Variants in HPS4 observed in about 807,000 individuals in gnomAD.
HPS4 encodes BLOC-3 complex member HPS4.
In HPS4, 44 loss-of-function variants were observed where a neutral mutation model predicts 70.3. The observed-to-expected ratio is 0.63, with a 90% CI of 0.49 to 0.80. HPS4 has a LOEUF of 0.80. Ranked by LOEUF, HPS4 falls within the 30% of genes least tolerant of loss-of-function variation. The pLI, the probability that HPS4 is intolerant of heterozygous loss-of-function variation, is 0.00. For missense variants in HPS4, 873 were observed against 884.4 expected (o/e 0.99, Z 0.16); for synonymous variants, 377 against 355.9 (o/e 1.06, Z -0.67).
intron 1 of HPS4, among the ~76,000 whole-genome samples, chr22:26,482,585 T>C (rs1042479658): frequency 1.1e-4 from 17 of 152,146 alleles, no homozygotes; most frequent in African/African-American, 3.9e-4. Context: ...ACATGCAGAA[T>C]TCCAGAGCAG....
In HPS4 at chr22:26,481,577, C is replaced by T; in HGVS notation, c.41+145G>A. 3.9e-6 allele frequency: 3 copies of T among 767,748 alleles called. No individual in the cohort carries two copies. The South Asian group carries it at 4.4e-5, about 11-fold the overall frequency. The allele number at this position is 767,748 out of a possible 1,614,324, so 47.6% of individuals were successfully genotyped here. Reference sequence around the variant, plus strand: ...GCTTTGGAGAGCGATGGCTCACGTGCTTGATTCAGCTGCTCTGAGGAAAAT... The same window carrying T: ...GCTTTGGAGAGCGATGGCTCACGTGTTTGATTCAGCTGCTCTGAGGAAAAT... On this transcript the variant is annotated intron_variant, in intron 2 of 13. Coordinates refer to ENST00000398145, the MANE Select transcript of HPS4 (RefSeq NM_022081.6).
At chr22:26,466,841 AAAACC>A (rs1569078682) in intron 8 of HPS4, 1 of 158,530 alleles carries the variant, frequency 6.3e-6, no homozygotes, top group Non-Finnish European at 1.4e-5. Flanking sequence ...CCACCAAAAC[AAAACC>A]AAACCAAACA....
In HPS4 at chr22:26,453,419, AAG is replaced by A. The variant is rs757158956; in HGVS notation, c.1956-17_1956-16del. 3.2e-5 allele frequency: 52 copies of A among 1,613,290 alleles called. No homozygotes were observed. The highest frequency in any genetic ancestry group is 4.4e-5 in the Non-Finnish European group (52 of 1,180,004). The stretch of plus-strand genomic sequence containing the variant: ...TGGAGGCATTTCTGTTGGAGGAAGA[AAG>A]AAGGCAACGGTCCAATGCTGCTGGT... On this transcript the variant is annotated splice_polypyrimidine_tract_variant and intron_variant, in intron 13 of 13. Coordinates refer to ENST00000398145, the MANE Select transcript of HPS4 (RefSeq NM_022081.6).
rs2089665259 is a variant in HPS4 at position 26,470,763 on chromosome 22, C to A, written c.552G>T (p.Gln184His). The change falls in exon 7 of 14, where the codon CAG (glutamine) becomes CAT (histidine). Residue 184 changes from glutamine (Q) to histidine (H), a missense_variant. Gln to His is a conservative substitution (Grantham distance 24). Transcript: ENST00000398145. ...AGCCAGCGAGAATGTGAGGCGAGCG[C>A]TGGCAGGTCTGCAGAATGCGGGCTG... The part of the protein sequence containing the change: ...LKAARILQTC[Q>H]RSPHILAGCI... 9 of 1,614,198 alleles carry A rather than the reference C, an allele frequency of 5.6e-6. No homozygotes were observed. Among genetic ancestry groups the A allele is most frequent in the Non-Finnish European group, 7.6e-6 (9 of 1,180,028 alleles).
rs1376120681 is a variant in HPS4, at chr22:26,465,451, T to A, written c.803+4A>T. ...CAAGGTTAACTCTCTGTGCACTCCA[T>A]TACCTTGTCATCTGTTCCACCGGGA... On this transcript the variant is annotated splice_donor_region_variant and intron_variant, in intron 10 of 13. Coordinates refer to ENST00000398145, the MANE Select transcript of HPS4 (RefSeq NM_022081.6). The A allele has an allele frequency of 3.1e-6, 5 of 1,604,974 alleles. No homozygotes were observed. The highest frequency in any genetic ancestry group is 3.4e-6 in the Non-Finnish European group (4 of 1,171,702).
At chr22:26,473,604 G>A (rs138146589) in intron 4 of HPS4, among the ~76,000 whole-genome samples, 27 of 152,242 alleles carry the variant, frequency 1.8e-4, no homozygotes, top group African/African-American at 5.1e-4. Context: ...AATACTGGGC[G>A]TGGTGGTGTG....
At chr22:26,459,090 C>T (rs2086762098) in intron 11 of HPS4, among the ~76,000 whole-genome samples, 1 of 152,218 alleles carries the variant, frequency 6.6e-6, no homozygotes, top group African/African-American at 2.4e-5. Flanking sequence ...TTTCACAATA[C>T]AAACAGCCTG....
At chr22:26,483,356 G>A (rs926871851) in intron 1 of HPS4, among the ~76,000 whole-genome samples, 1 of 152,238 alleles carries the variant, frequency 6.6e-6, no homozygotes, top group African/African-American at 2.4e-5. Flanking sequence ...GAGCAGAAAA[G>A]GATCTGGTAG....
chr22:26,457,944 G>C lies in HPS4; in HGVS notation c.1870C>G (p.Pro624Ala). 2 of 1,613,826 alleles carry C rather than the reference G, an allele frequency of 1.2e-6. No homozygotes were observed. The highest frequency in any genetic ancestry group is 1.7e-6 in the Non-Finnish European group (2 of 1,180,024). The part of the protein sequence containing the change: ...LMANLPQVAT[P>A]QDRRFLQAVS... ...GCCTGGAGGAAGCGGCGATCCTGCG[G>C]GGTGGCCACCTGCGGCAGGTTTGCT... Residue 624 changes from proline (P) to alanine (A), a missense_variant, in exon 13 of 14, where the codon CCG becomes GCG. Pro to Ala is a conservative substitution (Grantham distance 27). Transcript: ENST00000398145.
rs1172273936 is a variant in HPS4, at chr22:26,453,108, A to G, written c.*125T>C. 7 of 1,069,894 alleles carry G rather than the reference A, an allele frequency of 6.5e-6. No homozygotes were observed. Among genetic ancestry groups the G allele is most frequent in the East Asian group, 2.4e-5 (1 of 42,072 alleles). 66.3% of individuals were successfully genotyped at this position (1,069,894 alleles called of 1,614,324 possible). A position where few individuals can be genotyped will look rare whatever the true frequency, so the allele number is the denominator to read the frequency against. On this transcript the variant is annotated 3_prime_UTR_variant, in exon 14 of 14. Coordinates refer to ENST00000398145, the MANE Select transcript of HPS4 (RefSeq NM_022081.6). ...TGCAAAAGGAATAACAAAAACTCAA[A>G]TATCATTTGGTTCCTAAAAAAGGGA... is the stretch of plus-strand genomic sequence containing the variant.
chr22:26,478,668 T>C (rs2090914626), intron 3 of HPS4, among the ~76,000 whole-genome samples: 1 of 152,130 alleles, frequency 6.6e-6, no homozygotes, highest in Admixed American at 6.5e-5. Flanking sequence ...TTTTTGTATA[T>C]GTTTGAATAC....
At chr22:26,476,911 C>G (rs2090625825) in intron 4 of HPS4, 82 bp downstream of exon 4, 3 of 1,502,340 alleles carry the variant, frequency 2.0e-6, no homozygotes, top group Admixed American at 1.7e-5. Context: ...GCAGATAATT[C>G]TAAATTCAAG....
chr22:26,443,978 G>A (rs895122450), downstream of HPS4: 4 of 152,224 alleles, frequency 2.6e-5, no homozygotes, highest in South Asian at 2.1e-4. Flanking sequence ...GATCAGCCAC[G>A]GAACGTGTGA....
At chr22:26,469,459 A>C (rs1477253165) in intron 7 of HPS4, among the ~76,000 whole-genome samples, 1 of 151,964 alleles carries the variant, frequency 6.6e-6, no homozygotes, top group African/African-American at 2.4e-5. Flanking sequence ...AAAACAAACA[A>C]ACAAAAATGG....
Position 26,459,797 on chromosome 22 carries a change from C to G in HPS4, c.1714-1220G>C, listed in dbSNP as rs138335139. ...AAATGAAATGACACATCCAAAAGTC[C>G]TTTGTAAACTCTAAAGTGCTATCCT... On this transcript the variant is annotated intron_variant, in intron 11 of 13. Transcript: ENST00000398145. 1.6e-3 allele frequency among the ~76,000 whole-genome samples: 238 copies of G among 152,248 alleles called. 2 individuals carry two copies. The highest frequency in any genetic ancestry group is 5.3e-3 in the African/African-American group (219 of 41,554).
downstream of HPS4, among the ~76,000 whole-genome samples, chr22:26,446,852 T>C (rs5752325): frequency 0.82 from 125,430 of 152,188 alleles, 52,338 homozygotes; most frequent in Non-Finnish European, 0.89. Flanking sequence ...CTCAGCCTCG[T>C]GACTAGCTGG....
intron 4 of HPS4, 104 bp from the exon 5 acceptor site, chr22:26,473,043 T>C (rs1315693322): frequency 1.1e-6 from 1 of 899,726 alleles, no homozygotes; most frequent in Non-Finnish European, 1.8e-6. Context: ...CACTGGCCCA[T>C]CGAAATTGAT....
At chr22:26,465,331 G>T in intron 10 of HPS4, 124 bp downstream of exon 10, 1 of 742,214 alleles carries the variant, frequency 1.3e-6, no homozygotes, top group Non-Finnish European at 2.4e-6. Flanking sequence ...TCCTTTACAA[G>T]ACAGGGCATG....
chr22:26,477,242 G>A (rs1003092419), intron 3 of HPS4, 106 bp from the exon 4 acceptor site: 15 of 1,135,656 alleles, frequency 1.3e-5, no homozygotes, highest in Admixed American at 3.6e-5. Context: ...TCTGTTACCC[G>A]TTTTCCTATG....
Sources: gnomAD v4.1 joint callset for allele counts (sites outside exome capture counted in the v4.1 genomes callset) on GRCh38, gnomAD v4.1.1 for gene constraint, MANE v1.5 for transcripts, NCBI Gene and HGNC (gene_info 2026-07-23, HGNC 2026-07-21) for gene names.